The following CREBBP variants were observed in gnomAD, a reference collection of about 807,000 sequenced individuals.
CREBBP encodes CREB-binding protein.
A neutral mutation model predicts 265.0 loss-of-function variants in CREBBP; 19 were observed. The ratio of observed to expected loss-of-function variants is 0.07; its 90% CI spans 0.05 to 0.11. CREBBP has a LOEUF of 0.11. CREBBP is among the 10% of genes least tolerant of loss of function. The pLI is 1.00. For missense variants in CREBBP, 2,525 were observed against 3,219.0 expected (o/e 0.78, Z 5.22); for synonymous variants, 1,457 against 1,223.7 (o/e 1.19, Z -3.98).
intron 1 of CREBBP, among the ~76,000 whole-genome samples, chr16:3,856,480 C>G (rs1638878760): frequency 6.6e-6 from 1 of 151,972 alleles, no homozygotes; most frequent in Non-Finnish European, 1.5e-5. Flanking sequence ...GGCTTGCCAG[C>G]TAATTAAAAA....
At chr16:3,740,764 C>T (rs999102980) in intron 23 of CREBBP, 10 of 630,230 alleles carry the variant, frequency 1.6e-5, no homozygotes, top group African/African-American at 9.1e-5. Flanking sequence ...TCCTGAAAAC[C>T]GTTTACGTGC....
chr16:3,763,985 C>T (rs1430146067), intron 16 of CREBBP, among the ~76,000 whole-genome samples: 3 of 151,748 alleles, frequency 2.0e-5, no homozygotes, highest in African/African-American at 7.3e-5. Flanking sequence ...GCTGGGACTA[C>T]AGGCGCATGC....
intron 1 of CREBBP, among the ~76,000 whole-genome samples, chr16:3,853,743 C>A (rs1268506649): frequency 6.6e-6 from 1 of 152,034 alleles, no homozygotes; most frequent in Non-Finnish European, 1.5e-5. Flanking sequence ...TCAAGACCAG[C>A]CTGGCTAATA....
chr16:3,780,642 T>C (rs1183472313), intron 8 of CREBBP, 90 bp downstream of exon 8: 9 of 1,405,728 alleles, frequency 6.4e-6, no homozygotes, highest in Non-Finnish European at 8.9e-6. Context: ...ACGTGACTTG[T>C]ATAGGCTCCT....
intron 1 of CREBBP, among the ~76,000 whole-genome samples, chr16:3,861,225 C>T (rs555599907): frequency 1.3e-5 from 2 of 152,160 alleles, no homozygotes; most frequent in African/African-American, 2.4e-5. Flanking sequence ...GCCGAGATCG[C>T]GCCATTGCAC....
At chr16:3,838,641 G>C (rs746147679) in intron 2 of CREBBP, among the ~76,000 whole-genome samples, 12 of 152,172 alleles carry the variant, frequency 7.9e-5, no homozygotes, top group Non-Finnish European at 1.3e-4. Context: ...TTAGCGCTAA[G>C]TATGACTGGA....
intron 5 of CREBBP, among the ~76,000 whole-genome samples, chr16:3,784,857 C>G (rs2053350720): frequency 6.6e-6 from 1 of 152,206 alleles, no homozygotes; most frequent in African/African-American, 2.4e-5. Context: ...ACATAGGCCT[C>G]CCACGGAAGC....
At chr16:3,745,023 A>G in intron 22 of CREBBP, 62 bp from the exon 23 acceptor site, 1 of 1,229,710 alleles carries the variant, frequency 8.1e-7, no homozygotes. Flanking sequence ...AAACCAACAA[A>G]ATGCAGCATT....
chr16:3,744,593 A>G (rs931359824), intron 23 of CREBBP, among the ~76,000 whole-genome samples: 1 of 152,210 alleles, frequency 6.6e-6, no homozygotes, highest in Non-Finnish European at 1.5e-5. Context: ...CTCTGTGCTC[A>G]GCAGCCCCGT....
Position 3,728,604 on chromosome 16 carries a change from C to G in CREBBP, c.6443G>C (p.Gly2148Ala), listed in dbSNP as rs1293915714. 2 of 1,613,738 alleles carry G rather than the reference C, an allele frequency of 1.2e-6. No individual in the cohort carries two copies. Among genetic ancestry groups the G allele is most frequent in the South Asian group, 1.1e-5 (1 of 91,068 alleles). The change falls in exon 31 of 31, where the codon GGC (glycine) becomes GCC (alanine). Residue 2148 changes from glycine to alanine, a missense_variant. Gly to Ala is a moderately conservative substitution (Grantham distance 60, BLOSUM62 0). Transcript: ENST00000262367. This position sits in a 1 kb window ranked among gnomAD's most constrained non-coding sequence, Gnocchi z 8.7. ...TGGAGGCACACCGGGCCGCGGCACG[C>G]CAGCCTGCATGGCATTCAGGTTCTG... ...SLQNLNAMQA[G>A]VPRPGVPPQQ...
At position 3,879,992 on chromosome 16, in the gene CREBBP, TG is replaced by T; in HGVS notation, c.-77del. On this transcript the variant is annotated 5_prime_UTR_variant, in exon 1 of 31. Transcript: ENST00000262367. Reference sequence around the variant, plus strand: ...GGGCCCGGACGGGGGTCGGGGGCCCTGCCGGCTGCGAGGGAGAGGAGCGAGC... The same window carrying T: ...GGGCCCGGACGGGGGTCGGGGGCCCTCCGGCTGCGAGGGAGAGGAGCGAGC... 7.0e-7 allele frequency: 1 copy of T among 1,430,278 alleles called. No individual in the cohort carries two copies. Among genetic ancestry groups the T allele is most frequent in the Non-Finnish European group, 9.5e-7 (1 of 1,053,168 alleles). The allele number at this position is 1,430,278 out of a possible 1,614,324, so 88.6% of individuals were successfully genotyped here.
At chr16:3,791,529 AG>A (rs2053507406) in intron 5 of CREBBP, among the ~76,000 whole-genome samples, 1 of 152,214 alleles carries the variant, frequency 6.6e-6, no homozygotes, top group East Asian at 1.9e-4. Flanking sequence ...ACTGACTGAC[AG>A]AGCCTTCAAA....
chr16:3,876,998 C>T (rs2055416858), intron 1 of CREBBP, among the ~76,000 whole-genome samples: 3 of 152,204 alleles, frequency 2.0e-5, no homozygotes. Flanking sequence ...TTCACAGACA[C>T]ATCTAAGTGA....
intron 2 of CREBBP, among the ~76,000 whole-genome samples, chr16:3,849,854 T>C (rs1008867361): frequency 6.6e-6 from 1 of 152,152 alleles, no homozygotes; most frequent in Non-Finnish European, 1.5e-5. Context: ...TCCCCGGCTC[T>C]GCCACCTCTT....
chr16:3,864,567 G>A (rs1327591703), intron 1 of CREBBP, among the ~76,000 whole-genome samples: 1 of 152,174 alleles, frequency 6.6e-6, no homozygotes, highest in South Asian at 2.1e-4. Context: ...AGGACTGCTT[G>A]AGCCCAGGAG....
chr16:3,859,676 A>G (rs2055033341), intron 1 of CREBBP, among the ~76,000 whole-genome samples: 1 of 152,166 alleles, frequency 6.6e-6, no homozygotes, highest in South Asian at 2.1e-4. Flanking sequence ...CCAACGGCCA[A>G]TGGTTTAATC....
At chr16:3,733,225 G>A (rs565777602) in intron 28 of CREBBP, among the ~76,000 whole-genome samples, 92 of 152,052 alleles carry the variant, frequency 6.1e-4, no homozygotes, top group African/African-American at 2.1e-3. Context: ...AGCCAGGCGT[G>A]GTGGCGGGTG....
Position 3,851,860 on chromosome 16 carries a change from C to CAAAA in CREBBP, c.86-855_86-852dup, listed in dbSNP as rs1159688899. Among the ~76,000 whole-genome samples the CAAAA allele has an allele frequency of 7.1e-3, 204 of 28,936 alleles. 1 individual carries two copies. Among genetic ancestry groups the CAAAA allele is most frequent in the Middle Eastern group, 0.016 (1 of 62 alleles). The allele number at this position is 28,936 out of a possible 152,430, so 19.0% of individuals were successfully genotyped here. On this transcript the variant is annotated intron_variant, in intron 1 of 30. Coordinates refer to ENST00000262367, the MANE Select transcript of CREBBP (RefSeq NM_004380.3). The stretch of plus-strand genomic sequence containing the variant: ...TGGGCGACAGAGCGAGACTCCGTCT[C>CAAAA]AAAAAAAAAAAAAAAAAAAGACAAA...
At chr16:3,851,334 T>C (rs1440906158) in intron 1 of CREBBP, among the ~76,000 whole-genome samples, 3 of 131,882 alleles carry the variant, frequency 2.3e-5, no homozygotes, top group East Asian at 4.8e-4. Context: ...AAGAGTAATG[T>C]CAAAATGATT....
Sources: gnomAD v4.1 joint callset for allele counts (sites outside exome capture counted in the v4.1 genomes callset) on GRCh38, gnomAD v4.1.1 for gene constraint, Gnocchi (gnomAD v3.1) non-coding constraint, MANE v1.5 for transcripts, NCBI Gene and HGNC (gene_info 2026-07-23, HGNC 2026-07-21) for gene names.